Variants in PTPRD observed in about 807,000 individuals in gnomAD.
The protein encoded by PTPRD is receptor-type tyrosine-protein phosphatase delta.
Under a neutral mutation model 214.5 loss-of-function variants are expected in PTPRD, and 34 were observed. The ratio of observed to expected loss-of-function variants is 0.16; its 90% confidence interval spans 0.12 to 0.21. The LOEUF is 0.21. PTPRD is among the 10% of genes least tolerant of loss of function. PTPRD has a pLI of 1.00. For synonymous variants in PTPRD, 1,128 were observed against 845.7 expected, an observed-to-expected ratio of 1.33 and a Z score of -5.79; for missense variants, 2,545 against 2,398.7, an observed-to-expected ratio of 1.06 and a Z score of -1.27.
intron 10 of PTPRD, among the ~76,000 whole-genome samples, chr9:9,053,940 T>C (rs1283705778): frequency 6.6e-6 from 1 of 152,168 alleles, no homozygotes; most frequent in African/African-American, 2.4e-5. Flanking sequence ...CTTTTGTTAA[T>C]TTTCCTATTA....
intron 26 of PTPRD, among the ~76,000 whole-genome samples, chr9:8,495,620 CTTAATG>C (rs1187110301): frequency 2.0e-5 from 3 of 152,120 alleles, no homozygotes; most frequent in African/African-American, 4.8e-5. Flanking sequence ...AACTTGAATA[CTTAATG>C]TTAGTGTTTA....
At chr9:10,505,788 T>C (rs561688077) in intron 2 of PTPRD, among the ~76,000 whole-genome samples, 1 of 152,216 alleles carries the variant, frequency 6.6e-6, no homozygotes, top group South Asian at 2.1e-4. Context: ...GGAAAAAGCA[T>C]GTACATCTAG....
At chr9:9,144,955 C>T (rs1170711227) in intron 10 of PTPRD, among the ~76,000 whole-genome samples, 1 of 152,138 alleles carries the variant, frequency 6.6e-6, no homozygotes, top group Non-Finnish European at 1.5e-5. Flanking sequence ...GGAAATGTAT[C>T]AGTTTAAAGG....
At chr9:10,215,688 ATG>A (rs1281293201) in intron 3 of PTPRD, among the ~76,000 whole-genome samples, 1 of 152,090 alleles carries the variant, frequency 6.6e-6, no homozygotes, top group African/African-American at 2.4e-5. Context: ...ATCAATAAAT[ATG>A]TGAGAATGTT....
At chr9:9,852,842 T>C (rs1193064611) in intron 5 of PTPRD, among the ~76,000 whole-genome samples, 1 of 152,144 alleles carries the variant, frequency 6.6e-6, no homozygotes, top group Non-Finnish European at 1.5e-5. Context: ...GTTTAGTGGT[T>C]TCTCTAATCA....
At chr9:9,835,891 G>C (rs2056606455) in intron 5 of PTPRD, among the ~76,000 whole-genome samples, 1 of 152,040 alleles carries the variant, frequency 6.6e-6, no homozygotes, top group Non-Finnish European at 1.5e-5. Context: ...CATTCAGTGA[G>C]AAGAAAATGC....
chr9:8,661,253 G>A (rs1002523317), intron 12 of PTPRD, among the ~76,000 whole-genome samples: 2 of 152,040 alleles, frequency 1.3e-5, no homozygotes, highest in Non-Finnish European at 2.9e-5. Context: ...AATCCTAAAG[G>A]AGAAATCGCC....
chr9:8,686,963 T>C (rs2097692575), intron 12 of PTPRD, among the ~76,000 whole-genome samples: 1 of 152,166 alleles, frequency 6.6e-6, no homozygotes. Flanking sequence ...ATGTGTAAGA[T>C]ATGGTATTTC....
intron 2 of PTPRD, among the ~76,000 whole-genome samples, chr9:10,397,353 G>C (rs2098190912): frequency 6.6e-6 from 1 of 151,998 alleles, no homozygotes; most frequent in Non-Finnish European, 1.5e-5. Context: ...GTCCCAGCAA[G>C]TAACTAGGTC....
intron 4 of PTPRD, among the ~76,000 whole-genome samples, chr9:9,947,239 C>G (rs10759113): frequency 7.9e-6 from 1 of 126,896 alleles, no homozygotes; most frequent in African/African-American, 3.0e-5. Context: ...TATAATGGTA[C>G]ATTTTAGATA....
chr9:8,781,700 T>C (rs1013310576), intron 11 of PTPRD, among the ~76,000 whole-genome samples: 2 of 152,162 alleles, frequency 1.3e-5, no homozygotes, highest in Non-Finnish European at 2.9e-5. Flanking sequence ...CTCTGAATCT[T>C]AATCAGACTG....
chr9:9,766,296 CT>C lies in PTPRD; in HGVS notation c.-326+513del, dbSNP rs575477603. Among the ~76,000 whole-genome samples the C allele has an allele frequency of 4.3e-3, 652 of 152,272 alleles. 10 individuals are homozygous for C. Among genetic ancestry groups the C allele is most frequent in the African/African-American group, 3.6e-3 (148 of 41,560 alleles). On this transcript the variant is annotated intron_variant, in intron 6 of 45. Coordinates refer to ENST00000381196, the MANE Select transcript of PTPRD (RefSeq NM_002839.4). ...GTGTATTAACCTTGAACTATCCCCC[CT>C]ATCTTTCATGTAGTACGTTTATATA... is the stretch of plus-strand genomic sequence containing the variant.
chr9:10,509,682 C>G (rs2784589), intron 2 of PTPRD, among the ~76,000 whole-genome samples: 2 of 149,478 alleles, frequency 1.3e-5, no homozygotes, highest in African/African-American at 2.5e-5. Context: ...TGCACTCTTA[C>G]GATTGACTGT....
chr9:8,592,347 A>C (rs1205635130), intron 14 of PTPRD, among the ~76,000 whole-genome samples: 1 of 152,152 alleles, frequency 6.6e-6, no homozygotes, highest in East Asian at 1.9e-4. Flanking sequence ...CTTTAAAACC[A>C]ATCTAAGCAC....
intron 3 of PTPRD, among the ~76,000 whole-genome samples, chr9:10,273,538 C>T (rs1212752862): frequency 6.6e-6 from 1 of 152,016 alleles, no homozygotes; most frequent in Non-Finnish European, 1.5e-5. Context: ...AATTCTGAGG[C>T]AGTAGAAATG....
At chr9:8,645,430 A>G (rs72698297) in intron 12 of PTPRD, among the ~76,000 whole-genome samples, 22,583 of 152,188 alleles carry the variant, frequency 0.15, 1,811 homozygotes, top group African/African-American at 0.19. Flanking sequence ...AGTTCTTGAC[A>G]CTGATTAACT....
chr9:9,744,274 G>A (rs1596524879), intron 6 of PTPRD, among the ~76,000 whole-genome samples: 1 of 152,046 alleles, frequency 6.6e-6, no homozygotes, highest in African/African-American at 2.4e-5. Flanking sequence ...CCTTTCCTTT[G>A]GAGGGAAATG....
chr9:10,286,979 G>C (rs1011204888), intron 3 of PTPRD, among the ~76,000 whole-genome samples: 1 of 152,104 alleles, frequency 6.6e-6, no homozygotes, highest in South Asian at 2.1e-4. Context: ...TAGAATGTAA[G>C]GTTAGCGAAC....
chr9:9,422,809 G>C (rs1316028076), intron 8 of PTPRD, among the ~76,000 whole-genome samples: 1 of 152,140 alleles, frequency 6.6e-6, no homozygotes, highest in Non-Finnish European at 1.5e-5. Context: ...TTTTCCTTGA[G>C]ACCTTTGCAG....
Sources: allele counts gnomAD v4.1 joint callset (sites outside exome capture counted in the v4.1 genomes callset), GRCh38; gene constraint gnomAD v4.1.1; transcripts MANE v1.5; gene names NCBI Gene and HGNC (gene_info 2026-07-23, HGNC 2026-07-21).